The following BICD1 variants were observed in gnomAD, a reference collection of about 807,000 sequenced individuals.
BICD1 encodes BICD cargo adaptor 1, also known as protein bicaudal D homolog 1.
In BICD1, 35 loss-of-function variants were observed where a neutral mutation model predicts 92.5. That is an observed-to-expected ratio of 0.38 (90% CI 0.29 to 0.50). The LOEUF is 0.50. Among genes scored for constraint, BICD1 ranks in the 20% least tolerant of loss-of-function variants. The pLI, the probability that BICD1 is intolerant of heterozygous loss-of-function variation, is 0.93. For synonymous variants in BICD1, 429 were observed against 465.1 expected, an observed-to-expected ratio of 0.92 and a Z score of 1.00; for missense variants, 950 against 1,189.8, an observed-to-expected ratio of 0.80 and a Z score of 2.97.
At chr12:32,176,870 A>G (rs867410125) in intron 1 of BICD1, among the ~76,000 whole-genome samples, 6 of 152,132 alleles carry the variant, frequency 3.9e-5, no homozygotes, top group Admixed American at 2.0e-4. Flanking sequence ...CAAAGGTACT[A>G]TTAAACATTT....
intron 1 of BICD1, among the ~76,000 whole-genome samples, chr12:32,199,149 T>C (rs1476013336): frequency 6.6e-6 from 1 of 152,224 alleles, no homozygotes; most frequent in Non-Finnish European, 1.5e-5. Context: ...TAATAGCTTT[T>C]GTAAACTTCT....
intron 2 of BICD1, among the ~76,000 whole-genome samples, chr12:32,264,446 A>C (rs1946938309): frequency 1.3e-5 from 2 of 152,232 alleles, no homozygotes. Context: ...AGAATTGATA[A>C]CATTCTAACA....
intron 1 of BICD1, among the ~76,000 whole-genome samples, chr12:32,148,987 T>C (rs969534788): frequency 2.7e-5 from 4 of 148,452 alleles, no homozygotes. Flanking sequence ...GTCACTGTAC[T>C]CCACCCTGGG....
At position 32,328,253 on chromosome 12, in the gene BICD1, ATC is replaced by A; in HGVS notation, c.1803_1804del (p.Pro602CysfsTer15). Reference sequence around the variant, plus strand: ...ACCAAGTCCAACTAAGACCCCCACAATCTCTCCTGTTATTACTGCCCCACCGT... The same window carrying A: ...ACCAAGTCCAACTAAGACCCCCACAATCTCCTGTTATTACTGCCCCACCGT... Reference protein sequence around the residue: ...KEPSPTKTPTISPVITAPPSS... With the variant: ...KEPSPTKTPTXSPVITAPPSS... On this transcript the variant is annotated frameshift_variant, in exon 5 of 10. Transcript: ENST00000652176. LOFTEE classifies it high-confidence loss of function. The surrounding 1 kb of genome is among the most constrained non-coding windows in gnomAD (Gnocchi z 4.4). 1 of 1,613,996 alleles carries A rather than the reference ATC, an allele frequency of 6.2e-7. No individual in the cohort carries two copies. The highest frequency in any genetic ancestry group is 8.5e-7 in the Non-Finnish European group (1 of 1,179,994).
chr12:32,367,794 T>G, intron 9 of BICD1, 49 bp downstream of exon 9: 1 of 1,533,256 alleles, frequency 6.5e-7, no homozygotes, highest in South Asian at 1.1e-5. Context: ...GTCAGATCCA[T>G]AGACCCCAGC....
chr12:32,182,130 C>A (rs912937583), intron 1 of BICD1, among the ~76,000 whole-genome samples: 4 of 151,834 alleles, frequency 2.6e-5, no homozygotes, highest in Non-Finnish European at 1.5e-5. Context: ...CAGGAAACTT[C>A]TCATTGTAAA....
In BICD1 at chr12:32,165,487, G is replaced by A. The variant is rs369994428; in HGVS notation, c.214-50760G>A. Among the ~76,000 whole-genome samples the A allele has an allele frequency of 7.8e-4, 119 of 152,122 alleles. 1 individual carries two copies. The South Asian group carries it at 0.02, about 25-fold the overall frequency. On this transcript the variant is annotated intron_variant, in intron 1 of 9. Coordinates refer to ENST00000652176, the MANE Select transcript of BICD1 (RefSeq NM_001714.4). ...GCCGAGATCGAGCCACTGCACTCCA[G>A]CCTGGGCGACAGAGCGAGACTCCGT...
intron 2 of BICD1, among the ~76,000 whole-genome samples, chr12:32,229,855 G>A (rs1055720119): frequency 6.6e-6 from 1 of 152,136 alleles, no homozygotes; most frequent in Non-Finnish European, 1.5e-5. Flanking sequence ...CATAAAGTGG[G>A]AAATTTTAAT....
At position 32,336,445 on chromosome 12, in the gene BICD1, T is replaced by A. The variant is rs138995640; in HGVS notation, c.2253-1054T>A. Among the ~76,000 whole-genome samples, 18 of 152,358 alleles carry A rather than the reference T, an allele frequency of 1.2e-4. No individual in the cohort carries two copies. The East Asian group carries it at 2.3e-3, about 20-fold the overall frequency. On this transcript the variant is annotated intron_variant, in intron 6 of 9. Coordinates refer to ENST00000652176, the MANE Select transcript of BICD1 (RefSeq NM_001714.4). Reference sequence around the variant, plus strand: ...AAATCTTGGTTTTTGCAGGGTTTTCTGTTTTTTGTTTTTTGACAACTCATT... The same window carrying A: ...AAATCTTGGTTTTTGCAGGGTTTTCAGTTTTTTGTTTTTTGACAACTCATT...
intron 8 of BICD1, chr12:32,352,204 C>CA (rs530378680): frequency 6.8e-4 from 94 of 138,726 alleles, no homozygotes; most frequent in Admixed American, 7.3e-4. Flanking sequence ...GACTCTGTCT[C>CA]AAAAAAAAAA....
chr12:32,166,070 T>G (rs1205270889), intron 1 of BICD1, among the ~76,000 whole-genome samples: 1 of 152,146 alleles, frequency 6.6e-6, no homozygotes, highest in East Asian at 1.9e-4. Flanking sequence ...GCTGTTTTAC[T>G]CCTTCTCCCT....
At chr12:32,240,374 C>A (rs185879114) in intron 2 of BICD1, among the ~76,000 whole-genome samples, 2 of 152,272 alleles carry the variant, frequency 1.3e-5, no homozygotes, top group Admixed American at 1.3e-4. Flanking sequence ...TCTGGGGAAG[C>A]GTACATTTCC....
chr12:32,318,849 C>A (rs946952040), intron 4 of BICD1, among the ~76,000 whole-genome samples: 2 of 151,770 alleles, frequency 1.3e-5, no homozygotes, highest in Non-Finnish European at 1.5e-5. Flanking sequence ...AGTGAAACTC[C>A]ATCTGAAAAA....
intron 8 of BICD1, among the ~76,000 whole-genome samples, chr12:32,363,035 T>C (rs1024393488): frequency 2.0e-5 from 3 of 152,150 alleles, no homozygotes; most frequent in Non-Finnish European, 2.9e-5. Flanking sequence ...ACCCTGTCTC[T>C]TAAAACAGAT....
At chr12:32,372,201 TG>T (rs1186482117) in intron 9 of BICD1, among the ~76,000 whole-genome samples, 2 of 152,182 alleles carry the variant, frequency 1.3e-5, no homozygotes, top group Non-Finnish European at 2.9e-5. Flanking sequence ...TTTTGAGTGC[TG>T]GGCCCAGTGG....
At position 32,306,464 on chromosome 12, in the gene BICD1, T is replaced by G. The variant is rs556567524; in HGVS notation, c.1005+342T>G. Among the ~76,000 whole-genome samples the G allele has an allele frequency of 1.5e-4, 23 of 152,052 alleles. No individual in the cohort carries two copies. In the South Asian group the frequency reaches 3.9e-3, roughly 26 times the overall value. ...TTTCACCGTATTAGCCAGGATGGTC[T>G]CGATCTCCTGACTTCGTGATCCGCC... On this transcript the variant is annotated intron_variant, in intron 4 of 9. Transcript: ENST00000652176.
At chr12:32,253,075 GT>G (rs1946610143) in intron 2 of BICD1, among the ~76,000 whole-genome samples, 2 of 151,964 alleles carry the variant, frequency 1.3e-5, no homozygotes, top group African/African-American at 4.8e-5. Context: ...TAGAGACTGG[GT>G]TTTGCCATGT....
At chr12:32,265,715 A>C (rs1195285426) in intron 2 of BICD1, among the ~76,000 whole-genome samples, 1 of 84,664 alleles carries the variant, frequency 1.2e-5, no homozygotes, top group Non-Finnish European at 2.3e-5. Flanking sequence ...GCGAGATCCT[A>C]TTTAAAAAAA....
chr12:32,306,448 A>G (rs2593994), intron 4 of BICD1, among the ~76,000 whole-genome samples: 67,924 of 151,206 alleles, frequency 0.45, 16,373 homozygotes, highest in Non-Finnish European at 0.55. Context: ...GTTTCACCGT[A>G]TTAGCCAGGA....
Sources: allele counts gnomAD v4.1 joint callset (sites outside exome capture counted in the v4.1 genomes callset), GRCh38; gene constraint gnomAD v4.1.1; non-coding constraint Gnocchi (gnomAD v3.1); transcripts MANE v1.5; gene names NCBI Gene and HGNC (gene_info 2026-07-23, HGNC 2026-07-21).